Variants in VPS72 observed in about 807,000 individuals in gnomAD.
VPS72 encodes the protein vacuolar protein sorting 72 homolog.
A neutral mutation model predicts 38.9 loss-of-function variants in VPS72; 27 were observed. The ratio of observed to expected loss-of-function variants is 0.69; its 90% CI spans 0.51 to 0.96. The LOEUF (loss-of-function observed/expected upper bound fraction) is 0.96. Among genes scored for constraint, VPS72 ranks in the 40% least tolerant of loss-of-function variants. VPS72 has a pLI of 0.00. For synonymous variants in VPS72, 173 were observed against 186.3 expected, an observed-to-expected ratio of 0.93 and a Z score of 0.58; for missense variants, 360 against 479.5, an observed-to-expected ratio of 0.75 and a Z score of 2.33.
At chr1:151,183,844 A>T (rs1684290315) in intron 4 of VPS72, among the ~76,000 whole-genome samples, 1 of 151,808 alleles carries the variant, frequency 6.6e-6, no homozygotes, top group Non-Finnish European at 1.5e-5. Flanking sequence ...TAATCTGCTG[A>T]CTTCACGTTC....
At chr1:151,189,861 C>CA (rs1288308618) in intron 1 of VPS72, 144 bp downstream of exon 1, 15 of 951,426 alleles carry the variant, frequency 1.6e-5, no homozygotes, top group Middle Eastern at 2.5e-4. Context: ...GCCTCGCCCC[C>CA]CGGCTCCGAT....
intron 3 of VPS72, 100 bp downstream of exon 3, chr1:151,185,406 G>C: frequency 8.3e-7 from 1 of 1,200,326 alleles, no homozygotes; most frequent in Non-Finnish European, 1.2e-6. Context: ...GATTCTAGGA[G>C]TGAGCCACCG....
intron 5 of VPS72, 68 bp downstream of exon 5, chr1:151,177,933 C>A (rs748958414): frequency 7.7e-6 from 12 of 1,553,670 alleles, no homozygotes; most frequent in African/African-American, 1.4e-5. Flanking sequence ...GTGAGAAAAG[C>A]AAGCAAAATG....
In VPS72 at chr1:151,185,976, G is replaced by C. The variant is rs748192320; in HGVS notation, c.118-26C>G. On this transcript the variant is annotated intron_variant, in intron 1 of 5. Coordinates refer to ENST00000368892, the MANE Select transcript of VPS72 (RefSeq NM_005997.3). ...CTAAGGACACAGGGAGATAAGGGTT[G>C]GCTGGCAATGGAAGCCTTAATGCCC... 4.3e-6 allele frequency: 7 copies of C among 1,611,302 alleles called. No individual in the cohort carries two copies. In the South Asian group the frequency reaches 7.7e-5, roughly 18 times the overall value.
intron 4 of VPS72, among the ~76,000 whole-genome samples, chr1:151,180,285 C>T (rs1684211409): frequency 6.6e-6 from 1 of 150,450 alleles, no homozygotes; most frequent in South Asian, 2.1e-4. Flanking sequence ...TGCCATCGCA[C>T]TCCAGCCTGG....
At chr1:151,177,068 A>C in intron 5 of VPS72, 37 bp from the exon 6 acceptor site, 1 of 1,514,922 alleles carries the variant, frequency 6.6e-7, no homozygotes, top group Non-Finnish European at 8.8e-7. Context: ...CAAAGAGCTG[A>C]GGAGAGAAGA....
intron 4 of VPS72, among the ~76,000 whole-genome samples, chr1:151,180,296 G>A (rs907330498): frequency 1.3e-5 from 2 of 150,220 alleles, no homozygotes; most frequent in African/African-American, 4.9e-5. Flanking sequence ...TCCAGCCTGG[G>A]TGACAGAGCA....
chr1:151,183,674 C>G (rs913911582), intron 4 of VPS72, among the ~76,000 whole-genome samples: 2 of 151,996 alleles, frequency 1.3e-5, no homozygotes, highest in African/African-American at 4.8e-5. Context: ...GTTGGCCAGG[C>G]TGGTCTGGAA....
chr1:151,188,171 G>A (rs1230953246), intron 1 of VPS72, among the ~76,000 whole-genome samples: 1 of 152,028 alleles, frequency 6.6e-6, no homozygotes, highest in African/African-American at 2.4e-5. Context: ...TAAGTAGCTG[G>A]AATTACAGGC....
At chr1:151,179,094 C>G (rs1439148913) in intron 4 of VPS72, among the ~76,000 whole-genome samples, 1 of 150,214 alleles carries the variant, frequency 6.7e-6, no homozygotes, top group Non-Finnish European at 1.5e-5. Flanking sequence ...CCAGCCTGAC[C>G]AACATGGTGA....
At chr1:151,179,491 C>T (rs1479783811) in intron 4 of VPS72, among the ~76,000 whole-genome samples, 1 of 151,880 alleles carries the variant, frequency 6.6e-6, no homozygotes, top group Non-Finnish European at 1.5e-5. Context: ...CCCAGCTACT[C>T]GGGAGGCTGG....
In VPS72 at chr1:151,185,538, A is replaced by G; in HGVS notation, c.353T>C (p.Leu118Pro). The G allele has an allele frequency of 6.2e-7, 1 of 1,614,178 alleles. No homozygotes were observed. Among genetic ancestry groups the G allele is most frequent in the Non-Finnish European group, 8.5e-7 (1 of 1,180,030 alleles). The change falls in exon 3 of 6, where the codon CTG becomes CCG. Residue 118 changes from leucine to proline, a missense_variant. This residue lies in a region of VPS72 where 294 missense variants were observed against 356.3 expected (regional missense o/e 0.83). Transcript: ENST00000368892. ...SQKAREEKAL[L>P]PLELQDDGSD... ...GCCGTCATCTTGTAGTTCTAATGGC[A>G]GTAGTGCCTTCTCTTCTCGCGCCTT...
Position 151,184,491 on chromosome 1 carries a change from G to C in VPS72, c.388C>G (p.Arg130Gly). 6.2e-7 allele frequency: 1 copy of C among 1,605,400 alleles called. No individual in the cohort carries two copies. Among genetic ancestry groups the C allele is most frequent in the South Asian group, 1.1e-5 (1 of 90,564 alleles). The stretch of plus-strand genomic sequence containing the variant: ...GCTGTAGACTGACGCATAGACTTCC[G>C]ACCTGGAAGAGAGTGAGATAAGAAG... ...LELQDDGSDS[R>G]KSMRQSTAEH... The change falls in exon 4 of 6, where the codon CGG becomes GGG. Residue 130 changes from arginine (R) to glycine (G), a missense_variant and splice_region_variant. Transcript: ENST00000368892.
chr1:151,179,587 A>G (rs1396736429), intron 4 of VPS72, among the ~76,000 whole-genome samples: 2 of 151,434 alleles, frequency 1.3e-5, no homozygotes, highest in Non-Finnish European at 2.9e-5. Flanking sequence ...CAAAAGAGTG[A>G]GACTCCGTCT....
Position 151,186,640 on chromosome 1 carries a change from G to A in VPS72, c.118-690C>T, listed in dbSNP as rs115242392. Among the ~76,000 whole-genome samples the A allele has an allele frequency of 7.6e-3, 1,153 of 152,138 alleles. 15 individuals carry two copies. The highest frequency in any genetic ancestry group is 0.026 in the African/African-American group (1,082 of 41,516). On this transcript the variant is annotated intron_variant, in intron 1 of 5. Coordinates refer to ENST00000368892, the MANE Select transcript of VPS72 (RefSeq NM_005997.3). ...TTAGTATTTAGACAGCCAAGAGGGA[G>A]GAAGGAATCATGGGCAGATGAAATA... is the stretch of plus-strand genomic sequence containing the variant.
rs1684109419 is a variant in VPS72 at position 151,176,724 on chromosome 1, G to C, written c.1015C>G (p.Leu339Val). The change falls in exon 6 of 6, where the codon CTG becomes GTG. Residue 339 changes from leucine (L) to valine (V), a missense_variant. By Grantham distance (32) the Leu-to-Val change is conservative. Transcript: ENST00000368892. Reference sequence around the variant, plus strand: ...TCAGGAGGTGGCGGGCCGGGGCCCAGGGCTGAGGCAGTGGGCGGCAGTCCA... The same window carrying C: ...TCAGGAGGTGGCGGGCCGGGGCCCACGGCTGAGGCAGTGGGCGGCAGTCCA... ...AHGLPPTASA[L>V]GPGPPPPEPL... 5 of 1,614,210 alleles carry C rather than the reference G, an allele frequency of 3.1e-6. No homozygotes were observed. The highest frequency in any genetic ancestry group is 4.2e-6 in the Non-Finnish European group (5 of 1,180,040).
chr1:151,181,738 C>T (rs1289238615), intron 4 of VPS72, among the ~76,000 whole-genome samples: 2 of 152,126 alleles, frequency 1.3e-5, no homozygotes, highest in Non-Finnish European at 2.9e-5. Flanking sequence ...CTCAATATCC[C>T]ACATCAATAA....
chr1:151,179,330 T>C (rs1684184797), intron 4 of VPS72, among the ~76,000 whole-genome samples: 2 of 152,262 alleles, frequency 1.3e-5, no homozygotes, highest in South Asian at 4.1e-4. Context: ...CTTTTTTTGG[T>C]GGCTCACACC....
Position 151,190,083 on chromosome 1 carries a change from A to G in VPS72, c.39T>C (p.Ala13=). Residue 13 remains alanine, a synonymous_variant, in exon 1 of 6, where the codon GCT becomes GCC. Coordinates refer to ENST00000368892, the MANE Select transcript of VPS72 (RefSeq NM_005997.3). The part of the protein sequence containing the change: ...LAGGRAPRKT[A]GNRLSGLLEA... ...CCAAAAGCCCAGAAAGCCGGTTCCCAGCGGTCTTCCGGGGTGCCCGGCCCC... is the reference window on the plus strand; with the variant it reads ...CCAAAAGCCCAGAAAGCCGGTTCCCGGCGGTCTTCCGGGGTGCCCGGCCCC... The G allele has an allele frequency of 1.2e-6, 2 of 1,613,996 alleles. No individual in the cohort carries two copies. The highest frequency in any genetic ancestry group is 1.7e-6 in the Non-Finnish European group (2 of 1,180,002).
Sources: allele counts gnomAD v4.1 joint callset (sites outside exome capture counted in the v4.1 genomes callset), GRCh38; gene constraint gnomAD v4.1.1; regional missense constraint gnomAD v4.1.1; transcripts MANE v1.5; gene names NCBI Gene and HGNC (gene_info 2026-07-23, HGNC 2026-07-21).